Variants in COL25A1 observed in about 807,000 individuals in gnomAD.
The protein encoded by COL25A1 is collagen alpha-1(XXV) chain.
Under a neutral mutation model 128.4 loss-of-function variants are expected in COL25A1, and 103 were observed. The observed-to-expected ratio is 0.80, with a 90% CI of 0.68 to 0.94. The LOEUF (loss-of-function observed/expected upper bound fraction) is 0.94, where lower values mean the gene tolerates loss of function less well. COL25A1 is among the 40% of genes least tolerant of loss of function. The pLI is 0.00. For missense variants in COL25A1, 745 were observed against 840.0 expected, an observed-to-expected ratio of 0.89 and a Z score of 1.40; for synonymous variants, 279 against 277.2, an observed-to-expected ratio of 1.01 and a Z score of -0.06.
intron 5 of COL25A1, among the ~76,000 whole-genome samples, chr4:109,016,074 C>T (rs182425145): frequency 6.6e-6 from 1 of 152,302 alleles, no homozygotes; most frequent in Non-Finnish European, 1.5e-5. Flanking sequence ...GTCATGGCTC[C>T]AGACCCAGGC....
chr4:108,943,668 A>G (rs1445762363), intron 8 of COL25A1, among the ~76,000 whole-genome samples: 1 of 152,202 alleles, frequency 6.6e-6, no homozygotes, highest in Non-Finnish European at 1.5e-5. Flanking sequence ...TCCAAGGAGA[A>G]CAGGGAGAGA....
intron 3 of COL25A1, among the ~76,000 whole-genome samples, chr4:109,147,501 G>T (rs1451866728): frequency 6.6e-6 from 1 of 152,036 alleles, no homozygotes; most frequent in Non-Finnish European, 1.5e-5. Flanking sequence ...TTTTATTCTG[G>T]GTCTATACTG....
chr4:109,140,655 T>C (rs1704688486), intron 3 of COL25A1, among the ~76,000 whole-genome samples: 1 of 152,158 alleles, frequency 6.6e-6, no homozygotes, highest in Non-Finnish European at 1.5e-5. Flanking sequence ...TCACATCCCT[T>C]GTAAGTTGGA....
At chr4:109,087,817 T>C (rs558304643) in intron 3 of COL25A1, among the ~76,000 whole-genome samples, 12 of 152,104 alleles carry the variant, frequency 7.9e-5, no homozygotes, top group African/African-American at 2.9e-4. Context: ...AGAATTCCCA[T>C]AATAGTTAGA....
rs769462398 is a variant in COL25A1 at position 108,844,505 on chromosome 4, G to A, written c.1629+14C>T. The stretch of plus-strand genomic sequence containing the variant: ...TAAATAAGCAATTACATTTCAGAAA[G>A]AAGGGAAACTTACCATGGGGCCAGG... On this transcript the variant is annotated intron_variant, in intron 30 of 37. Coordinates refer to ENST00000399132, the MANE Select transcript of COL25A1 (RefSeq NM_198721.4). The A allele has an allele frequency of 6.2e-7, 1 of 1,614,098 alleles. No homozygotes were observed. Among genetic ancestry groups the A allele is most frequent in the African/African-American group, 1.3e-5 (1 of 75,048 alleles).
At position 108,882,320 on chromosome 4, in the gene COL25A1, C is replaced by T. The variant is rs540228837; in HGVS notation, c.1020+1858G>A. 2.0e-5 allele frequency among the ~76,000 whole-genome samples: 3 copies of T among 150,224 alleles called. No individual in the cohort carries two copies. In the East Asian group the frequency reaches 5.9e-4, roughly 30 times the overall value. On this transcript the variant is annotated intron_variant, in intron 19 of 37. Coordinates refer to ENST00000399132, the MANE Select transcript of COL25A1 (RefSeq NM_198721.4). ...TTCCACATTCTCAAGTACTCTCTCT[C>T]TCCAAGAAAGTGCTTCAAGTTCAGG...
chr4:109,195,726 A>C (rs1431805623), intron 3 of COL25A1, among the ~76,000 whole-genome samples: 1 of 152,160 alleles, frequency 6.6e-6, no homozygotes, highest in Non-Finnish European at 1.5e-5. Context: ...AGGAAAACAA[A>C]ATTCATGTTT....
At chr4:109,040,068 A>C (rs914923481) in intron 5 of COL25A1, among the ~76,000 whole-genome samples, 1 of 152,230 alleles carries the variant, frequency 6.6e-6, no homozygotes, top group Admixed American at 6.5e-5. Flanking sequence ...CAAAAAGTAT[A>C]ATAAAAATAT....
At chr4:109,229,507 C>A (rs562340167) in intron 3 of COL25A1, among the ~76,000 whole-genome samples, 1 of 152,132 alleles carries the variant, frequency 6.6e-6, no homozygotes, top group Non-Finnish European at 1.5e-5. Flanking sequence ...ACAAAGCCTA[C>A]CTCACACACA....
intron 35 of COL25A1, chr4:108,819,744 G>A (rs567376133): frequency 2.1e-3 from 1,582 of 771,042 alleles, no homozygotes; most frequent in Middle Eastern, 4.3e-3. Flanking sequence ...GGATCCCTCC[G>A]GCTTGCTCTT....
intron 3 of COL25A1, among the ~76,000 whole-genome samples, chr4:109,127,707 A>T (rs1449472371): frequency 6.6e-6 from 1 of 152,134 alleles, no homozygotes; most frequent in East Asian, 1.9e-4. Context: ...CGAGGGGCTA[A>T]GTGGGCTAAA....
At chr4:108,861,982 A>T (rs1222791668) in intron 22 of COL25A1, among the ~76,000 whole-genome samples, 1 of 152,104 alleles carries the variant, frequency 6.6e-6, no homozygotes, top group Non-Finnish European at 1.5e-5. Flanking sequence ...TCTTGCACAC[A>T]TTTTTTTCCA....
intron 18 of COL25A1, among the ~76,000 whole-genome samples, chr4:108,888,727 T>C (rs72897041): frequency 0.11 from 16,468 of 152,190 alleles, 966 homozygotes; most frequent in Non-Finnish European, 0.14. Context: ...CAAGTAGATA[T>C]AAATCACATA....
At chr4:109,195,443 C>A (rs1775957407) in intron 3 of COL25A1, among the ~76,000 whole-genome samples, 1 of 152,112 alleles carries the variant, frequency 6.6e-6, no homozygotes, top group Non-Finnish European at 1.5e-5. Context: ...ATGTTCTGTT[C>A]ATTTAATAGA....
At chr4:108,903,714 T>C (rs1458292417) in intron 13 of COL25A1, among the ~76,000 whole-genome samples, 3 of 152,046 alleles carry the variant, frequency 2.0e-5, no homozygotes, top group Admixed American at 1.3e-4. Flanking sequence ...TATAGGCACT[T>C]CAAAAAAATT....
At chr4:109,208,838 G>C (rs541858564) in intron 3 of COL25A1, among the ~76,000 whole-genome samples, 1 of 152,114 alleles carries the variant, frequency 6.6e-6, no homozygotes, top group Non-Finnish European at 1.5e-5. Context: ...CCCTGAAGAG[G>C]ATCATTCTCC....
chr4:108,846,764 G>A (rs1218659043), intron 27 of COL25A1, among the ~76,000 whole-genome samples: 1 of 152,086 alleles, frequency 6.6e-6, no homozygotes, highest in Non-Finnish European at 1.5e-5. Flanking sequence ...ATGCTTAAAA[G>A]TATGACAACC....
At chr4:108,905,237 A>C (rs1164519315) in intron 13 of COL25A1, among the ~76,000 whole-genome samples, 1 of 152,196 alleles carries the variant, frequency 6.6e-6, no homozygotes, top group Non-Finnish European at 1.5e-5. Flanking sequence ...ACTATGGAGC[A>C]GTGGAAATGT....
intron 16 of COL25A1, among the ~76,000 whole-genome samples, chr4:108,893,696 G>A (rs1255561456): frequency 6.6e-6 from 1 of 152,024 alleles, no homozygotes; most frequent in Non-Finnish European, 1.5e-5. Context: ...CAGAAAAGAA[G>A]GATTTTTTAA....
Sources: allele counts gnomAD v4.1 joint callset (sites outside exome capture counted in the v4.1 genomes callset), GRCh38; gene constraint gnomAD v4.1.1; transcripts MANE v1.5; gene names NCBI Gene and HGNC (gene_info 2026-07-23, HGNC 2026-07-21).